The following CDCA5 variants were observed in gnomAD, a reference collection of about 807,000 sequenced individuals.
CDCA5 encodes the protein cell division cycle associated 5, also known as sororin.
In CDCA5, 14 loss-of-function variants were observed where a neutral mutation model predicts 25.7. The observed-to-expected ratio is 0.54, with a 90% confidence interval of 0.36 to 0.85. CDCA5 has a LOEUF of 0.85. Among genes scored for constraint, CDCA5 ranks in the 40% least tolerant of loss-of-function variants. The pLI is 0.01. For missense variants in CDCA5, 307 were observed against 324.5 expected, an observed-to-expected ratio of 0.95 and a Z score of 0.41; for synonymous variants, 127 against 128.7, an observed-to-expected ratio of 0.99 and a Z score of 0.09.
Position 65,079,692 on chromosome 11 carries a change from G to A in CDCA5, c.339C>T (p.Thr113=). ...FKTHSVPATP[T]STPVPNPEAE... The stretch of plus-strand genomic sequence containing the variant: ...CCTCAGGGTTCGGCACAGGAGTGCT[G>A]GTGGGGGTGGCAGGGACGCTGTGTG... The change falls in exon 5 of 6, where the codon ACC becomes ACT. Residue 113 remains threonine (T), a synonymous_variant. Transcript: ENST00000275517. 1 of 1,585,436 alleles carries A rather than the reference G, an allele frequency of 6.3e-7. No homozygotes were observed. The highest frequency in any genetic ancestry group is 8.6e-7 in the Non-Finnish European group (1 of 1,164,170).
In CDCA5 at chr11:65,083,638, G is replaced by T. The variant is rs923905853; in HGVS notation, c.132C>A (p.Ile44=). The T allele has an allele frequency of 6.2e-7, 1 of 1,614,106 alleles. No individual in the cohort carries two copies. Among genetic ancestry groups the T allele is most frequent in the Non-Finnish European group, 8.5e-7 (1 of 1,180,040 alleles). ...GSELPSILPE[I]WPKTPSAAAV... ...GAAATCTGGGGCTCACCTTCGGCCA[G>T]ATTTCAGGGAGGATGCTCGGGAGTT... The change falls in exon 2 of 6, where the codon ATC becomes ATA. Residue 44 remains isoleucine, a synonymous_variant. Coordinates refer to ENST00000275517, the MANE Select transcript of CDCA5 (RefSeq NM_080668.4).
At chr11:65,080,205 T>A (rs1379928817) in intron 4 of CDCA5, among the ~76,000 whole-genome samples, 1 of 152,098 alleles carries the variant, frequency 6.6e-6, no homozygotes, top group African/African-American at 2.4e-5. Flanking sequence ...ACACTTTTTT[T>A]AAGGAAGGGA....
chr11:65,074,746 A>G (rs1947407523), downstream of CDCA5, among the ~76,000 whole-genome samples: 1 of 146,848 alleles, frequency 6.8e-6, no homozygotes, highest in Non-Finnish European at 1.5e-5. Context: ...CTCAAAAAAA[A>G]AAAAAAAAAA....
chr11:65,071,348 C>CTTT (rs763489252), intron 1 of CDCA5, among the ~76,000 whole-genome samples: 2 of 137,612 alleles, frequency 1.5e-5, no homozygotes, highest in African/African-American at 2.7e-5. Context: ...ACAGTTATTC[C>CTTT]TTTTTTTTTT....
At chr11:65,081,668 T>C (rs1947569719) in intron 4 of CDCA5, among the ~76,000 whole-genome samples, 1 of 151,968 alleles carries the variant, frequency 6.6e-6, no homozygotes, top group Non-Finnish European at 1.5e-5. Flanking sequence ...GAAAATACAC[T>C]ATAAGAACTG....
intron 1 of CDCA5, 51 bp downstream of exon 1, chr11:65,083,880 ACT>A: frequency 6.2e-7 from 1 of 1,607,270 alleles, no homozygotes. Flanking sequence ...CTTTCACCGG[ACT>A]GCGTCCCCCA....
chr11:65,078,552 A>T lies in CDCA5; in HGVS notation c.*555T>A. 1 of 985,770 alleles carries T rather than the reference A, an allele frequency of 1.0e-6. No individual in the cohort carries two copies. The highest frequency in any genetic ancestry group is 1.2e-6 in the Non-Finnish European group (1 of 830,170). The allele number at this position is 985,770 out of a possible 1,614,324, so 61.1% of individuals were successfully genotyped here. A position where few individuals can be genotyped will look rare whatever the true frequency, so the allele number is the denominator to read the frequency against. On this transcript the variant is annotated 3_prime_UTR_variant, in exon 6 of 6. Transcript: ENST00000275517. ...GCTGAATGTCCAGCTTCTTCCTCCA[A>T]GACAGAATTGCCCTCAGCCCACGAA...
In CDCA5 at chr11:65,083,946, G is replaced by A; in HGVS notation, c.33C>T (p.Ala11=). 1 of 1,607,974 alleles carries A rather than the reference G, an allele frequency of 6.2e-7. No homozygotes were observed. Among genetic ancestry groups the A allele is most frequent in the East Asian group, 2.2e-5 (1 of 44,632 alleles). The change falls in exon 1 of 6, where the codon GCC becomes GCT. Residue 11 remains alanine, a synonymous_variant. Transcript: ENST00000275517. Reference sequence around the variant, plus strand: ...CCCTCCGCTCACCGGAGCGCTGAGCGGCTCCTCCGGACCGCGTTCGCCTCC... The same window carrying A: ...CCCTCCGCTCACCGGAGCGCTGAGCAGCTCCTCCGGACCGCGTTCGCCTCC... MSGRRTRSGG[A]AQRSGPRAPS...
downstream of CDCA5, among the ~76,000 whole-genome samples, chr11:65,064,417 C>CAAAA (rs11318233): frequency 2.3e-5 from 2 of 86,332 alleles, no homozygotes; most frequent in Non-Finnish European, 2.3e-5. Flanking sequence ...GACTCTGTCG[C>CAAAA]AAAAAAAAAA....
chr11:65,074,208 G>A (rs542471930), downstream of CDCA5, among the ~76,000 whole-genome samples: 36 of 152,252 alleles, frequency 2.4e-4, no homozygotes, highest in African/African-American at 8.2e-4. Context: ...AAGTAGCTGG[G>A]ATTACAGGCA....
chr11:65,077,641 G>A lies in CDCA5; in HGVS notation c.*1466C>T, dbSNP rs1223799919. 4.1e-6 allele frequency: 4 copies of A among 985,374 alleles called. No individual in the cohort carries two copies. Among genetic ancestry groups the A allele is most frequent in the Non-Finnish European group, 4.8e-6 (4 of 829,978 alleles). The allele number at this position is 985,374 out of a possible 1,614,324, so 61.0% of individuals were successfully genotyped here. On this transcript the variant is annotated 3_prime_UTR_variant, in exon 6 of 6. Coordinates refer to ENST00000275517, the MANE Select transcript of CDCA5 (RefSeq NM_080668.4). ...AGAGTTCTGCTGCATCAGCCAGTGA[G>A]GACAAGAGTTCTTCAGTGCGGTTCA...
intron 1 of CDCA5, among the ~76,000 whole-genome samples, chr11:65,069,476 C>T (rs533524313): frequency 2.6e-4 from 40 of 152,024 alleles, no homozygotes; most frequent in Non-Finnish European, 5.3e-4. Flanking sequence ...TTCCTGACCA[C>T]GTGACATAAA....
At chr11:65,083,206 A>G in intron 4 of CDCA5, 158 bp downstream of exon 4, 2 of 746,934 alleles carry the variant, frequency 2.7e-6, no homozygotes, top group Admixed American at 4.6e-5. Context: ...GTCTTCAGGG[A>G]GTAATCAAGA....
chr11:65,075,225 C>T (rs1440062695), downstream of CDCA5, among the ~76,000 whole-genome samples: 2 of 151,868 alleles, frequency 1.3e-5, no homozygotes, highest in South Asian at 2.1e-4. Context: ...AACGAAACCC[C>T]GTCTCTACTA....
chr11:65,083,205 G>A, intron 4 of CDCA5, 159 bp downstream of exon 4: 2 of 744,334 alleles, frequency 2.7e-6, no homozygotes, highest in South Asian at 1.7e-5. Flanking sequence ...AGTCTTCAGG[G>A]AGTAATCAAG....
chr11:65,077,415 C>T (rs112340113), downstream of CDCA5: 1,951 of 979,644 alleles, frequency 2.0e-3, 34 homozygotes, highest in African/African-American at 0.03. Flanking sequence ...GCCTTACCTT[C>T]GGCTCTGCCT....
At position 65,079,546 on chromosome 11, in the gene CDCA5, C is replaced by A. The variant is rs1446304564; in HGVS notation, c.485G>T (p.Arg162Leu). 2 of 1,614,070 alleles carry A rather than the reference C, an allele frequency of 1.2e-6. No individual in the cohort carries two copies. The highest frequency in any genetic ancestry group is 1.7e-6 in the Non-Finnish European group (2 of 1,179,990). ...LGSASTSTPGRRSCFGFEGLL... is the reference protein window; with the variant it reads ...LGSASTSTPGLRSCFGFEGLL... Reference sequence around the variant, plus strand: ...CCCCTCGAAGCCAAAGCAGGACCGGCGGCCTGGGGTGGAGGTAGAGGCAGA... The same window carrying A: ...CCCCTCGAAGCCAAAGCAGGACCGGAGGCCTGGGGTGGAGGTAGAGGCAGA... Residue 162 changes from arginine (R) to leucine (L), a missense_variant, in exon 5 of 6, where the codon CGC becomes CTC. Transcript: ENST00000275517.
chr11:65,078,337 TCA>T lies in CDCA5; in HGVS notation c.*768_*769del, dbSNP rs1248078751. ...CCCAGAGGCCATGAGCCACAGAAAC[TCA>T]CAGCACCTGGTGGCCACACCCTGAA... On this transcript the variant is annotated 3_prime_UTR_variant, in exon 6 of 6. Coordinates refer to ENST00000275517, the MANE Select transcript of CDCA5 (RefSeq NM_080668.4). 20 of 985,408 alleles carry T rather than the reference TCA, an allele frequency of 2.0e-5. No individual in the cohort carries two copies. The highest frequency in any genetic ancestry group is 2.3e-5 in the Non-Finnish European group (19 of 829,992). The allele number at this position is 985,408 out of a possible 1,614,324, so 61.0% of individuals were successfully genotyped here. A position where few individuals can be genotyped will look rare whatever the true frequency, so the allele number is the denominator to read the frequency against.
At chr11:65,080,291 A>G (rs2137133347) in intron 4 of CDCA5, among the ~76,000 whole-genome samples, 1 of 152,304 alleles carries the variant, frequency 6.6e-6, no homozygotes, top group East Asian at 1.9e-4. Context: ...CTTTTGTGAC[A>G]CAAATGGACT....
Sources: gnomAD v4.1 joint callset for allele counts (sites outside exome capture counted in the v4.1 genomes callset) on GRCh38, gnomAD v4.1.1 for gene constraint, MANE v1.5 for transcripts, NCBI Gene and HGNC (gene_info 2026-07-23, HGNC 2026-07-21) for gene names.